PCDHB16: variants seen among roughly 807,000 people sequenced by gnomAD.
The protein encoded by PCDHB16 is protocadherin beta 16, also known as protocadherin beta-16.
For synonymous variants in PCDHB16, 444 were observed against 436.5 expected, an observed-to-expected ratio of 1.02 and a Z score of -0.21; for missense variants, 1,026 against 989.9, an observed-to-expected ratio of 1.04 and a Z score of -0.49.
In PCDHB16 at chr5:141,183,801, A is replaced by G. The variant is rs782119237; in HGVS notation, c.1242A>G (p.Arg414=). 6 of 1,614,240 alleles carry G rather than the reference A, an allele frequency of 3.7e-6. No individual in the cohort carries two copies. Among genetic ancestry groups the G allele is most frequent in the African/African-American group, 1.3e-5 (1 of 75,068 alleles). Residue 414 remains arginine, a synonymous_variant, in exon 1 of 1, where the codon AGA becomes AGG. Transcript: ENST00000609684. ...AGAGAGCACTCGACAGAGAAGCAAG[A>G]GCTGAATATAATATCACCCTCACCG... ...VTERALDREA[R]AEYNITLTVT...
rs149855940 is a variant in PCDHB16, at chr5:141,183,868, A to G, written c.1309A>G (p.Ile437Val). 2.2e-5 allele frequency: 35 copies of G among 1,614,092 alleles called. No individual in the cohort carries two copies. The highest frequency in any genetic ancestry group is 1.6e-4 in the Middle Eastern group (1 of 6,084). ...GTPRLKTEHN[I>V]TVQISDVNDN... ...TCCAAGGCTGAAAACGGAGCACAAC[A>G]TAACAGTGCAGATATCAGATGTCAA... Residue 437 changes from isoleucine to valine, a missense_variant, in exon 1 of 1, where the codon ATA (isoleucine) becomes GTA (valine). Coordinates refer to ENST00000609684, the MANE Select transcript of PCDHB16 (RefSeq NM_020957.4).
At position 141,184,498 on chromosome 5, in the gene PCDHB16, A is replaced by C. The variant is rs140217479; in HGVS notation, c.1939A>C (p.Asn647His). 606 of 1,609,146 alleles carry C rather than the reference A, an allele frequency of 3.8e-4. 4 individuals carry two copies. In the African/African-American group the frequency reaches 7.4e-3, roughly 20 times the overall value. Residue 647 changes from asparagine (N) to histidine (H), a missense_variant, in exon 1 of 1, where the codon AAT becomes CAT. Coordinates refer to ENST00000609684, the MANE Select transcript of PCDHB16 (RefSeq NM_020957.4). The stretch of plus-strand genomic sequence containing the variant: ...GAGGCTGGTGGTGCTGGTCAAGGAC[A>C]ATGGCGAGCCTCCGCGCTCGGCCAC... ...KQRLVVLVKD[N>H]GEPPRSATAT... is the part of the protein sequence containing the mutation.
In PCDHB16 at chr5:141,184,683, C is replaced by G; in HGVS notation, c.2124C>G (p.Phe708Leu). 1 of 1,612,240 alleles carries G rather than the reference C, an allele frequency of 6.2e-7. No individual in the cohort carries two copies. The highest frequency in any genetic ancestry group is 1.3e-5 in the African/African-American group (1 of 75,038). ...TCTTCCTCTTTTCGGTGCTCCTGTT[C>G]GTGGCGGTGCGGCTGTGCAGGAGGA... The part of the protein sequence containing the change: ...SSLFLFSVLL[F>L]VAVRLCRRSR... The change falls in exon 1 of 1, where the codon TTC becomes TTG. Residue 708 changes from phenylalanine (F) to leucine (L), a missense_variant. Transcript: ENST00000609684.
In PCDHB16 at chr5:141,185,208, T is replaced by G. The variant is rs1753693340; in HGVS notation, c.*318T>G. 1.9e-6 allele frequency: 2 copies of G among 1,054,582 alleles called. No individual in the cohort carries two copies. Among genetic ancestry groups the G allele is most frequent in the Middle Eastern group, 4.5e-4 (1 of 2,238 alleles). 65.3% of individuals were successfully genotyped at this position (1,054,582 alleles called of 1,614,324 possible). A position where few individuals can be genotyped will look rare whatever the true frequency, so the allele number is the denominator to read the frequency against. ...TCTTTATATTTTATTTACTTCCTAT[T>G]CATTTTTTGCTCCATTTTTCATGTT... is the stretch of plus-strand genomic sequence containing the variant. On this transcript the variant is annotated 3_prime_UTR_variant, in exon 1 of 1. Transcript: ENST00000609684.
In PCDHB16 at chr5:141,184,443, G is replaced by T. The variant is rs146665935; in HGVS notation, c.1884G>T (p.Arg628Ser). 4 of 1,607,848 alleles carry T rather than the reference G, an allele frequency of 2.5e-6. No homozygotes were observed. The highest frequency in any genetic ancestry group is 3.4e-6 in the Non-Finnish European group (4 of 1,179,542). Residue 628 changes from arginine (R) to serine (S), a missense_variant, in exon 1 of 1, where the codon AGG (arginine) becomes AGT (serine). By Grantham distance (110) the Arg-to-Ser change is moderately radical (BLOSUM62 -1). Transcript: ENST00000609684. ...ACAATGGCGAGGTGCGCACCGCCAG[G>T]CTGCTGAGCGAGCGCGACGCAGCCA... ...WAHNGEVRTA[R>S]LLSERDAAKQ...
chr5:141,183,575 A>G lies in PCDHB16; in HGVS notation c.1016A>G (p.Asp339Gly). 6.2e-7 allele frequency: 1 copy of G among 1,614,132 alleles called. No individual in the cohort carries two copies. Among genetic ancestry groups the G allele is most frequent in the Non-Finnish European group, 8.5e-7 (1 of 1,180,020 alleles). Residue 339 changes from aspartate (D) to glycine (G), a missense_variant, in exon 1 of 1, where the codon GAC (aspartate) becomes GGC (glycine). Asp to Gly is a moderately conservative substitution (Grantham distance 94). Transcript: ENST00000609684. ...TGCACTCTTCTCCTGCAGGTGGTGG[A>G]CGTGAATGACAATCCCCCACAGGTG... ...GKCTLLLQVV[D>G]VNDNPPQVTM...
Position 141,182,414 on chromosome 5 carries a change from T to C in PCDHB16, c.-146T>C. 1 of 622,240 alleles carries C rather than the reference T, an allele frequency of 1.6e-6. No individual in the cohort carries two copies. Among genetic ancestry groups the C allele is most frequent in the South Asian group, 5.0e-5 (1 of 19,938 alleles). The allele number at this position is 622,240 out of a possible 1,614,324, so 38.5% of individuals were successfully genotyped here. ...TTCCCAAAGCCTGGAAGCAGAAGAATAGCTGAGCCAGAGCGAACGTGAGTG... is the reference window on the plus strand; with the variant it reads ...TTCCCAAAGCCTGGAAGCAGAAGAACAGCTGAGCCAGAGCGAACGTGAGTG... On this transcript the variant is annotated 5_prime_UTR_variant, in exon 1 of 1. Transcript: ENST00000609684.
rs17844646 is a variant in PCDHB16 at position 141,184,004 on chromosome 5, C to G, written c.1445C>G (p.Thr482Ser). 1.1e-3 allele frequency: 1,806 copies of G among 1,607,924 alleles called. 5 individuals carry two copies. Among genetic ancestry groups the G allele is most frequent in the Non-Finnish European group, 8.4e-4 (993 of 1,178,886 alleles). ...SVSATDRDSGTNAQVTYSLLP... is the reference protein window; with the variant it reads ...SVSATDRDSGSNAQVTYSLLP... ...AGCGCCACAGACAGAGACTCGGGCA[C>G]CAACGCCCAGGTCACCTACTCGCTG... Residue 482 changes from threonine (T) to serine (S), a missense_variant, in exon 1 of 1, where the codon ACC becomes AGC. By Grantham distance (58) the Thr-to-Ser change is moderately conservative (BLOSUM62 1). Transcript: ENST00000609684.
chr5:141,183,224 G>A lies in PCDHB16; in HGVS notation c.665G>A (p.Arg222Gln), dbSNP rs782784405. ...GCGCTGGATGGTGGCTCTCCACCGC[G>A]ATCTGGAACTGCTCAGGTCCGTATT... ...LTALDGGSPP[R>Q]SGTAQVRIEV... is the part of the protein sequence containing the mutation. The change falls in exon 1 of 1, where the codon CGA becomes CAA. Residue 222 changes from arginine (R) to glutamine (Q), a missense_variant. Physicochemically the swap from Arg to Gln is conservative, Grantham distance 43. Transcript: ENST00000609684. The A allele has an allele frequency of 3.7e-6, 6 of 1,614,074 alleles. No homozygotes were observed. Among genetic ancestry groups the A allele is most frequent in the Admixed American group, 3.3e-5 (2 of 60,012 alleles).
In PCDHB16 at chr5:141,186,040, A is replaced by G; in HGVS notation, c.*1150A>G. On this transcript the variant is annotated 3_prime_UTR_variant, in exon 1 of 1. Transcript: ENST00000609684. ...CTCAATCTCATTAAGTTGGAAAAAA[A>G]ACTTATCAAAGAGACATTTACATGG... 1.0e-6 allele frequency: 1 copy of G among 996,676 alleles called. No individual in the cohort carries two copies. The highest frequency in any genetic ancestry group is 1.2e-6 in the Non-Finnish European group (1 of 826,786). 61.7% of individuals were successfully genotyped at this position (996,676 alleles called of 1,614,324 possible). A position where few individuals can be genotyped will look rare whatever the true frequency, so the allele number is the denominator to read the frequency against.
At position 141,183,015 on chromosome 5, in the gene PCDHB16, C is replaced by G; in HGVS notation, c.456C>G (p.Phe152Leu). Residue 152 changes from phenylalanine (F) to leucine (L), a missense_variant, in exon 1 of 1, where the codon TTC becomes TTG. Coordinates refer to ENST00000609684, the MANE Select transcript of PCDHB16 (RefSeq NM_020957.4). ...AAAACAGTCCTCTAGGAACTGAGTT[C>G]CCTCTGAATCATGCTTTGGACTTGG... ...IPENSPLGTE[F>L]PLNHALDLDV... is the part of the protein sequence containing the mutation. The G allele has an allele frequency of 6.2e-7, 1 of 1,614,190 alleles. No individual in the cohort carries two copies. The highest frequency in any genetic ancestry group is 8.5e-7 in the Non-Finnish European group (1 of 1,180,026).
In PCDHB16 at chr5:141,185,386, T is replaced by C; in HGVS notation, c.*496T>C. ...ATTATAATACTTTTCTTAAAGTTTC[T>C]TTCTTTCTTTTCTTTTCTTTCTTTT... is the stretch of plus-strand genomic sequence containing the variant. On this transcript the variant is annotated 3_prime_UTR_variant, in exon 1 of 1. Transcript: ENST00000609684. The C allele has an allele frequency of 1.3e-6, 1 of 777,032 alleles. No homozygotes were observed. The highest frequency in any genetic ancestry group is 1.6e-6 in the Non-Finnish European group (1 of 631,024). 48.1% of individuals were successfully genotyped at this position (777,032 alleles called of 1,614,324 possible). A position where few individuals can be genotyped will look rare whatever the true frequency, so the allele number is the denominator to read the frequency against.
rs1204235820 is a variant in PCDHB16, at chr5:141,185,961, C to T, written c.*1071C>T. The stretch of plus-strand genomic sequence containing the variant: ...AAAAATATTTAATAATTTATTCTTT[C>T]TATTACTGAATTAAAAAATCAGAGG... On this transcript the variant is annotated 3_prime_UTR_variant, in exon 1 of 1. Coordinates refer to ENST00000609684, the MANE Select transcript of PCDHB16 (RefSeq NM_020957.4). 19 of 951,570 alleles carry T rather than the reference C, an allele frequency of 2.0e-5. No homozygotes were observed. Among genetic ancestry groups the T allele is most frequent in the Non-Finnish European group, 2.0e-5 (16 of 786,056 alleles). 58.9% of individuals were successfully genotyped at this position (951,570 alleles called of 1,614,324 possible).
In PCDHB16 at chr5:141,184,794, G is replaced by A. The variant is rs782417074; in HGVS notation, c.2235G>A (p.Leu745=). The change falls in exon 1 of 1, where the codon CTG becomes CTA. Residue 745 remains leucine (L), a synonymous_variant. Coordinates refer to ENST00000609684, the MANE Select transcript of PCDHB16 (RefSeq NM_020957.4). Reference sequence around the variant, plus strand: ...TGGACGTAAGCGGCACCGGGACCCTGTCCCAGAGCTACCAATACGAGGTGT... The same window carrying A: ...TGGACGTAAGCGGCACCGGGACCCTATCCCAGAGCTACCAATACGAGGTGT... ...RLVDVSGTGT[L]SQSYQYEVCL... 4.3e-6 allele frequency: 7 copies of A among 1,614,112 alleles called. No individual in the cohort carries two copies. Among genetic ancestry groups the A allele is most frequent in the Middle Eastern group, 1.6e-4 (1 of 6,084 alleles).
rs1554282011 is a variant in PCDHB16 at position 141,182,728 on chromosome 5, A to T, written c.169A>T (p.Thr57Ser). 1 of 1,611,828 alleles carries T rather than the reference A, an allele frequency of 6.2e-7. No homozygotes were observed. The highest frequency in any genetic ancestry group is 2.2e-5 in the East Asian group (1 of 44,810). ...AGGAAAAGACCTGGGGTTGGGGTTG[A>T]CAGAGATGTCCACCCGCAAGGCCAG... is the stretch of plus-strand genomic sequence containing the variant. ...NLGKDLGLGL[T>S]EMSTRKARII... Residue 57 changes from threonine (T) to serine (S), a missense_variant, in exon 1 of 1, where the codon ACA becomes TCA. By Grantham distance (58) the Thr-to-Ser change is moderately conservative. Coordinates refer to ENST00000609684, the MANE Select transcript of PCDHB16 (RefSeq NM_020957.4).
chr5:141,183,046 G>A lies in PCDHB16; in HGVS notation c.487G>A (p.Gly163Arg). Residue 163 changes from glycine (G) to arginine (R), a missense_variant, in exon 1 of 1, where the codon GGA becomes AGA. By Grantham distance (125) the Gly-to-Arg change is moderately radical. Coordinates refer to ENST00000609684, the MANE Select transcript of PCDHB16 (RefSeq NM_020957.4). ...PLNHALDLDV[G>R]SNNVQNYKIS... ...GAATCATGCTTTGGACTTGGACGTA[G>A]GAAGCAATAATGTTCAAAACTATAA... 1 of 1,614,158 alleles carries A rather than the reference G, an allele frequency of 6.2e-7. No individual in the cohort carries two copies. Among genetic ancestry groups the A allele is most frequent in the Non-Finnish European group, 8.5e-7 (1 of 1,180,040 alleles).
chr5:141,183,432 T>A lies in PCDHB16; in HGVS notation c.873T>A (p.Thr291=). 6.2e-7 allele frequency: 1 copy of A among 1,614,112 alleles called. No homozygotes were observed. Among genetic ancestry groups the A allele is most frequent in the Non-Finnish European group, 8.5e-7 (1 of 1,180,044 alleles). The stretch of plus-strand genomic sequence containing the variant: ...AGCCTTCGGAGGATATTAGTAAAAC[T>A]TTGGAGGTAAATCCTATGACAGGGG... ...LFQPSEDISK[T]LEVNPMTGEV... is the part of the protein sequence containing the mutation. Residue 291 remains threonine, a synonymous_variant, in exon 1 of 1, where the codon ACT becomes ACA. Coordinates refer to ENST00000609684, the MANE Select transcript of PCDHB16 (RefSeq NM_020957.4).
rs1348183842 is a variant in PCDHB16, at chr5:141,184,329, G to C, written c.1770G>C (p.Val590=). The C allele has an allele frequency of 2.5e-6, 4 of 1,599,526 alleles. No homozygotes were observed. The African/African-American group carries it at 5.4e-5, about 22-fold the overall frequency. Residue 590 remains valine (V), a synonymous_variant, in exon 1 of 1, where the codon GTG becomes GTC. Coordinates refer to ENST00000609684, the MANE Select transcript of PCDHB16 (RefSeq NM_020957.4). ...AEPGYLVTKV[V]AVDGDSGQNA... ...CGGGCTACCTGGTGACCAAGGTGGT[G>C]GCGGTGGACGGCGACTCGGGCCAGA...
chr5:141,185,528 AG>A lies in PCDHB16; in HGVS notation c.*639del, dbSNP rs1753706687. ...TGGGCCCAACGGATCCTTCCACCTC[AG>A]CCTCCCAAGTAGCTTGGACTATAGG... On this transcript the variant is annotated 3_prime_UTR_variant, in exon 1 of 1. Coordinates refer to ENST00000609684, the MANE Select transcript of PCDHB16 (RefSeq NM_020957.4). 3.0e-6 allele frequency: 1 copy of A among 333,528 alleles called. No individual in the cohort carries two copies. The highest frequency in any genetic ancestry group is 4.3e-6 in the Non-Finnish European group (1 of 234,324). 20.7% of individuals were successfully genotyped at this position (333,528 alleles called of 1,614,324 possible). A position where few individuals can be genotyped will look rare whatever the true frequency, so the allele number is the denominator to read the frequency against.
Sources: gnomAD v4.1 joint callset for allele counts on GRCh38, gnomAD v4.1.1 for gene constraint, MANE v1.5 for transcripts, NCBI Gene and HGNC (gene_info 2026-07-23, HGNC 2026-07-21) for gene names.